Variants in DOCK8 observed in about 807,000 individuals in gnomAD.
DOCK8 encodes dedicator of cytokinesis protein 8.
DOCK8 carries 141 observed loss-of-function variants against 245.6 expected under a neutral mutation model. The ratio of observed to expected loss-of-function variants is 0.57; its 90% CI spans 0.50 to 0.66. The LOEUF is 0.66. DOCK8 is among the 30% of genes least tolerant of loss of function. DOCK8 has a pLI of 0.00. For missense variants in DOCK8, 2,965 were observed against 2,603.4 expected, an observed-to-expected ratio of 1.14 and a Z score of -3.02; for synonymous variants, 1,168 against 970.2, an observed-to-expected ratio of 1.20 and a Z score of -3.79.
At chr9:393,059 C>G (rs913038468) in intron 24 of DOCK8, among the ~76,000 whole-genome samples, 3 of 131,024 alleles carry the variant, frequency 2.3e-5, no homozygotes, top group Non-Finnish European at 4.6e-5. Context: ...GCACTCCAGC[C>G]TGGGCAACAG....
At chr9:303,353 C>G (rs1393325042) in intron 4 of DOCK8, among the ~76,000 whole-genome samples, 1 of 152,144 alleles carries the variant, frequency 6.6e-6, no homozygotes, top group East Asian at 1.9e-4. Context: ...CCTCACAGCA[C>G]AATTCACAAT....
At chr9:252,638 A>C (rs1260723690) in intron 1 of DOCK8, among the ~76,000 whole-genome samples, 3 of 151,846 alleles carry the variant, frequency 2.0e-5, no homozygotes, top group Admixed American at 2.0e-4. Context: ...CCCCATCTCT[A>C]CTAAAAATAC....
At chr9:227,799 G>A (rs552662241) in intron 1 of DOCK8, among the ~76,000 whole-genome samples, 2 of 152,254 alleles carry the variant, frequency 1.3e-5, no homozygotes, top group African/African-American at 4.8e-5. Context: ...AAGGGGAAGA[G>A]AAGAGGAATG....
intron 36 of DOCK8, 152 bp downstream of exon 36, chr9:430,006 G>A (rs1196954818): frequency 2.1e-6 from 2 of 936,652 alleles, no homozygotes; most frequent in African/African-American, 3.3e-5. Context: ...ATAGATAGCA[G>A]CTTCCATTTT....
chr9:420,656 C>T, intron 31 of DOCK8, 73 bp downstream of exon 31: 1 of 1,586,720 alleles, frequency 6.3e-7, no homozygotes, highest in Non-Finnish European at 8.6e-7. Flanking sequence ...TACTCATCCC[C>T]TTTGTTTGGG....
chr9:463,620 A>C lies in DOCK8; in HGVS notation c.6172A>C (p.Arg2058=). Residue 2058 remains arginine (R), a synonymous_variant, in exon 47 of 48, where the codon AGG becomes CGG. Transcript: ENST00000432829. ...KNYNKLKENL[R]PMIERKIPEL... is the part of the protein sequence containing the mutation. ...CTATAACAAGCTAAAAGAGAACCTC[A>C]GGCCAATGATCGAGCGGAAAATTCC... 6.2e-7 allele frequency: 1 copy of C among 1,613,950 alleles called. No individual in the cohort carries two copies. Among genetic ancestry groups the C allele is most frequent in the South Asian group, 1.1e-5 (1 of 91,084 alleles).
chr9:285,347 G>A (rs1452608810), intron 2 of DOCK8, among the ~76,000 whole-genome samples: 3 of 152,108 alleles, frequency 2.0e-5, no homozygotes, highest in Admixed American at 6.6e-5. Flanking sequence ...AACTGGTTTC[G>A]TTAGTACTTC....
intron 2 of DOCK8, among the ~76,000 whole-genome samples, chr9:274,873 A>G (rs1467167273): frequency 1.3e-5 from 2 of 152,184 alleles, no homozygotes; most frequent in Non-Finnish European, 2.9e-5. Flanking sequence ...CGTTTCTCTT[A>G]CCTTTATTTT....
intron 24 of DOCK8, among the ~76,000 whole-genome samples, chr9:393,658 A>G (rs924383867): frequency 6.6e-6 from 1 of 152,208 alleles, no homozygotes; most frequent in Non-Finnish European, 1.5e-5. Context: ...TCTTACCTCT[A>G]GGAAGTCCCT....
chr9:290,653 A>C (rs1563882281), intron 4 of DOCK8, among the ~76,000 whole-genome samples: 1 of 152,220 alleles, frequency 6.6e-6, no homozygotes, highest in Non-Finnish European at 1.5e-5. Flanking sequence ...TGAAATTCTC[A>C]GCCTGCATGG....
In DOCK8 at chr9:390,582, G is replaced by T. The variant is rs377526583; in HGVS notation, c.2970+16G>T. The T allele has an allele frequency of 6.2e-6, 10 of 1,609,940 alleles. No homozygotes were observed. In the South Asian group the frequency reaches 1.1e-4, roughly 18 times the overall value. ...TGAGCTTCTGGTGAGATTCTTGCGC[G>T]TTTGTATCTGTGCTCAATAGGCCAA... On this transcript the variant is annotated intron_variant, in intron 24 of 47. Coordinates refer to ENST00000432829, the MANE Select transcript of DOCK8 (RefSeq NM_203447.4).
chr9:218,155 C>T (rs1167074107), intron 1 of DOCK8, among the ~76,000 whole-genome samples: 5 of 151,934 alleles, frequency 3.3e-5, no homozygotes, highest in African/African-American at 1.2e-4. Flanking sequence ...GGTCAAATTC[C>T]AAAAGTAAGA....
At chr9:233,909 AT>A (rs2047183549) in intron 1 of DOCK8, among the ~76,000 whole-genome samples, 1 of 152,106 alleles carries the variant, frequency 6.6e-6, no homozygotes, top group South Asian at 2.1e-4. Flanking sequence ...TTAATTTAAT[AT>A]TGTTATGTGT....
chr9:421,906 T>C, intron 32 of DOCK8, 142 bp from the exon 33 acceptor site: 1 of 749,514 alleles, frequency 1.3e-6, no homozygotes, highest in Admixed American at 2.1e-5. Context: ...GGCGACTTTG[T>C]CTCCTACCAG....
At chr9:394,221 A>T (rs570524198) in intron 24 of DOCK8, among the ~76,000 whole-genome samples, 77 of 149,272 alleles carry the variant, frequency 5.2e-4, no homozygotes, top group Non-Finnish European at 1.0e-3. Flanking sequence ...GTCCCTCGAG[A>T]CCCCCTTCCC....
chr9:319,970 C>T (rs2050514194), intron 7 of DOCK8, among the ~76,000 whole-genome samples: 1 of 152,174 alleles, frequency 6.6e-6, no homozygotes. Context: ...TTTGGAGGAC[C>T]TTCCATAACA....
chr9:328,781 A>G (rs950710290), intron 9 of DOCK8, among the ~76,000 whole-genome samples: 6 of 150,396 alleles, frequency 4.0e-5, no homozygotes, highest in African/African-American at 7.4e-5. Context: ...GTTGAAATCT[A>G]TGGGGCAATT....
intron 24 of DOCK8, among the ~76,000 whole-genome samples, chr9:391,161 C>T (rs996740576): frequency 6.6e-6 from 1 of 152,170 alleles, no homozygotes; most frequent in Non-Finnish European, 1.5e-5. Flanking sequence ...CTTTCACCTC[C>T]GCACCCCCAA....
intron 14 of DOCK8, chr9:365,449 T>C (rs560934579): frequency 2.6e-6 from 1 of 381,952 alleles, no homozygotes; most frequent in Non-Finnish European, 5.1e-6. Flanking sequence ...TTGTACTTGA[T>C]AAGGTACAGA....
Sources: gnomAD v4.1 joint callset for allele counts (sites outside exome capture counted in the v4.1 genomes callset) on GRCh38, gnomAD v4.1.1 for gene constraint, MANE v1.5 for transcripts, NCBI Gene and HGNC (gene_info 2026-07-23, HGNC 2026-07-21) for gene names.